ATXN7: variants seen among roughly 807,000 people sequenced by gnomAD.
ATXN7 encodes ataxin 7.
ATXN7 carries 12 observed loss-of-function variants against 70.5 expected under a neutral mutation model. The ratio of observed to expected loss-of-function variants is 0.17; its 90% CI spans 0.11 to 0.28. The LOEUF (loss-of-function observed/expected upper bound fraction) is 0.28. Among genes scored for constraint, ATXN7 ranks in the 10% least tolerant of loss-of-function variants. The pLI is 1.00. For missense variants in ATXN7, 1,256 were observed against 1,131.7 expected, an observed-to-expected ratio of 1.11 and a Z score of -1.58; for synonymous variants, 498 against 448.7, an observed-to-expected ratio of 1.11 and a Z score of -1.39.
chr3:63,990,444 G>A (rs913452484), intron 10 of ATXN7, 70 bp downstream of exon 10: 24 of 1,565,782 alleles, frequency 1.5e-5, no homozygotes, highest in Admixed American at 1.2e-4. Flanking sequence ...AGGGGGGCGC[G>A]CCAGGGATCT....
chr3:63,980,368 G>A, intron 6 of ATXN7: 1 of 673,340 alleles, frequency 1.5e-6, no homozygotes, highest in South Asian at 2.0e-5. Flanking sequence ...TGATAATAAG[G>A]TTACTAACAT....
intron 4 of ATXN7, among the ~76,000 whole-genome samples, chr3:63,929,714 C>G (rs1051955856): frequency 3.3e-5 from 5 of 151,950 alleles, no homozygotes; most frequent in African/African-American, 1.2e-4. Context: ...GTAATGCTAC[C>G]CAGAAAGGAA....
At chr3:63,953,442 T>C (rs1195718995) in intron 5 of ATXN7, among the ~76,000 whole-genome samples, 1 of 152,132 alleles carries the variant, frequency 6.6e-6, no homozygotes, top group Non-Finnish European at 1.5e-5. Flanking sequence ...AGCAGGAACC[T>C]GATATTCATA....
intron 5 of ATXN7, among the ~76,000 whole-genome samples, chr3:63,957,343 T>G (rs1349136816): frequency 6.6e-6 from 1 of 152,200 alleles, no homozygotes; most frequent in Non-Finnish European, 1.5e-5. Flanking sequence ...GCTGATCCAT[T>G]TGTTCACCTT....
At chr3:63,980,311 T>C in intron 6 of ATXN7, 144 bp downstream of exon 6, 1 of 1,172,724 alleles carries the variant, frequency 8.5e-7, no homozygotes, top group Non-Finnish European at 1.2e-6. Context: ...TGTTTCTTGA[T>C]GTTTCCCTGT....
chr3:63,874,102 A>G (rs1015368605), intron 1 of ATXN7, among the ~76,000 whole-genome samples: 5 of 152,228 alleles, frequency 3.3e-5, no homozygotes, highest in African/African-American at 1.2e-4. Flanking sequence ...ATGCAATACT[A>G]CATGTGTTTT....
chr3:63,938,590 G>A (rs2074703663), intron 4 of ATXN7, among the ~76,000 whole-genome samples: 1 of 152,198 alleles, frequency 6.6e-6, no homozygotes, highest in Non-Finnish European at 1.5e-5. Context: ...AAGGTACAAT[G>A]TTGAGAGAAG....
chr3:63,927,931 A>G (rs970911203), intron 4 of ATXN7, among the ~76,000 whole-genome samples: 1 of 152,154 alleles, frequency 6.6e-6, no homozygotes, highest in South Asian at 2.1e-4. Context: ...TGTTTGGTAG[A>G]TGTTTTCTTA....
intron 1 of ATXN7, among the ~76,000 whole-genome samples, chr3:63,882,514 A>G (rs543036322): frequency 6.6e-6 from 1 of 151,476 alleles, no homozygotes; most frequent in African/African-American, 2.4e-5. Context: ...TCTCGCAAGT[A>G]GTTGGGAATG....
intron 5 of ATXN7, among the ~76,000 whole-genome samples, chr3:63,957,983 T>C (rs2075066283): frequency 2.0e-5 from 3 of 152,238 alleles, no homozygotes; most frequent in South Asian, 2.1e-4. Flanking sequence ...GATAATGTTA[T>C]ATATTGAGCC....
At chr3:63,890,522 T>A (rs1266974945) in intron 1 of ATXN7, among the ~76,000 whole-genome samples, 1 of 152,244 alleles carries the variant, frequency 6.6e-6, no homozygotes, top group Non-Finnish European at 1.5e-5. Context: ...AATGCTTTAA[T>A]ATTCAGAAGA....
chr3:63,913,078 C>G, intron 3 of ATXN7, 79 bp from the exon 4 acceptor site: 2 of 1,523,032 alleles, frequency 1.3e-6, no homozygotes, highest in East Asian at 2.3e-5. Context: ...CACACCTACC[C>G]CGTGCGTGCG....
chr3:63,919,412 C>T (rs769996707), intron 4 of ATXN7, among the ~76,000 whole-genome samples: 1 of 152,130 alleles, frequency 6.6e-6, no homozygotes, highest in African/African-American at 2.4e-5. Flanking sequence ...TCGCAGAATA[C>T]AGTCTTATTA....
intron 4 of ATXN7, among the ~76,000 whole-genome samples, chr3:63,927,485 A>T (rs1704763831): frequency 6.6e-6 from 1 of 152,230 alleles, no homozygotes. Flanking sequence ...AAGGAGGGAG[A>T]TAACATTCAC....
chr3:63,951,677 T>C (rs1288557905), intron 4 of ATXN7, among the ~76,000 whole-genome samples: 1 of 152,208 alleles, frequency 6.6e-6, no homozygotes, highest in African/African-American at 2.4e-5. Context: ...TACTTTCAGT[T>C]TTCATGTATA....
At chr3:63,955,334 G>A (rs2075022780) in intron 5 of ATXN7, among the ~76,000 whole-genome samples, 1 of 152,172 alleles carries the variant, frequency 6.6e-6, no homozygotes, top group Non-Finnish European at 1.5e-5. Context: ...TGGGAAATGT[G>A]TAAGGAATGC....
chr3:63,961,670 A>T (rs2075134416), intron 5 of ATXN7, among the ~76,000 whole-genome samples: 1 of 152,098 alleles, frequency 6.6e-6, no homozygotes, highest in Non-Finnish European at 1.5e-5. Flanking sequence ...TGTCATTTAT[A>T]CCTTAATAAA....
chr3:63,923,410 A>G (rs1346215406), intron 4 of ATXN7, among the ~76,000 whole-genome samples: 1 of 116,882 alleles, frequency 8.6e-6, no homozygotes. Context: ...TGTGAAGTCA[A>G]AAGTAGGGTA....
intron 8 of ATXN7, among the ~76,000 whole-genome samples, chr3:63,986,676 A>G (rs1309279285): frequency 6.6e-6 from 1 of 152,230 alleles, no homozygotes; most frequent in Non-Finnish European, 1.5e-5. Flanking sequence ...TATTTTCCAT[A>G]TTAAAGAAAA....
Sources: gnomAD v4.1 joint callset for allele counts (sites outside exome capture counted in the v4.1 genomes callset) on GRCh38, gnomAD v4.1.1 for gene constraint, MANE v1.5 for transcripts, NCBI Gene and HGNC (gene_info 2026-07-23, HGNC 2026-07-21) for gene names.